The following SERGEF variants were observed in gnomAD, a reference collection of about 807,000 sequenced individuals.
The protein encoded by SERGEF is secretion-regulating guanine nucleotide exchange factor.
In SERGEF, 51 loss-of-function variants were observed where a neutral mutation model predicts 50.0. The ratio of observed to expected loss-of-function variants is 1.02; its 90% CI spans 0.81 to 1.29. SERGEF has a LOEUF of 1.29. SERGEF is among the 50% of genes most tolerant of loss of function. The pLI is 0.00. For missense variants in SERGEF, 521 were observed against 557.0 expected (o/e 0.94, Z 0.65); for synonymous variants, 205 against 212.4 (o/e 0.97, Z 0.30).
At chr11:17,905,767 C>G (rs1851828179) in intron 9 of SERGEF, among the ~76,000 whole-genome samples, 2 of 152,248 alleles carry the variant, frequency 1.3e-5, no homozygotes, top group East Asian at 3.9e-4. Context: ...CTGGCCTATG[C>G]TCTGGTCCTT....
intron 9 of SERGEF, among the ~76,000 whole-genome samples, chr11:17,935,552 T>C (rs1056239396): frequency 2.0e-5 from 3 of 152,096 alleles, no homozygotes; most frequent in Admixed American, 6.6e-5. Context: ...AGAGAACCAA[T>C]GATTTTATTT....
chr11:17,870,320 G>T (rs767873594), intron 10 of SERGEF, among the ~76,000 whole-genome samples: 14 of 152,218 alleles, frequency 9.2e-5, no homozygotes, highest in Non-Finnish European at 1.5e-5. Context: ...TCCAGGCAGG[G>T]ATGATGTAAT....
intron 9 of SERGEF, among the ~76,000 whole-genome samples, chr11:17,905,384 A>T (rs1851820134): frequency 1.3e-5 from 2 of 152,208 alleles, no homozygotes. Flanking sequence ...TTCTTGACAC[A>T]CTCAGCTTTT....
Position 17,927,532 on chromosome 11 carries a change from G to T in SERGEF, c.1011+31938C>A, listed in dbSNP as rs1046313520. 3.7e-4 allele frequency among the ~76,000 whole-genome samples: 57 copies of T among 152,230 alleles called. 2 individuals carry two copies. Among genetic ancestry groups the T allele is most frequent in the Admixed American group, 3.5e-3 (53 of 15,284 alleles). ...ACAGAAGGAAAATGATGACCTGAGT[G>T]TTGGTCCTGGTCTCTTCCACTAATT... On this transcript the variant is annotated intron_variant, in intron 9 of 10. Coordinates refer to ENST00000265965, the MANE Select transcript of SERGEF (RefSeq NM_012139.4).
At chr11:18,005,205 A>C (rs912010193) in intron 3 of SERGEF, among the ~76,000 whole-genome samples, 19 of 152,302 alleles carry the variant, frequency 1.2e-4, no homozygotes, top group African/African-American at 4.6e-4. Context: ...AAAGAGCATT[A>C]TCTACTGACT....
chr11:17,952,722 C>T (rs1852794391), intron 9 of SERGEF, among the ~76,000 whole-genome samples: 1 of 152,172 alleles, frequency 6.6e-6, no homozygotes, highest in African/African-American at 2.4e-5. Flanking sequence ...TTCTCATCAC[C>T]CGCTCACTCA....
At chr11:17,840,665 G>T (rs957558210) in intron 10 of SERGEF, among the ~76,000 whole-genome samples, 1 of 152,138 alleles carries the variant, frequency 6.6e-6, no homozygotes, top group Non-Finnish European at 1.5e-5. Flanking sequence ...GGCCCCCAAA[G>T]ACAGATTGAA....
chr11:18,012,615 G>C (rs1854219603), intron 1 of SERGEF: 1 of 1,171,080 alleles, frequency 8.5e-7, no homozygotes, highest in Non-Finnish European at 1.1e-6. Context: ...CCTCTCCACC[G>C]AGCCCTCCGC....
At chr11:17,978,723 C>T (rs1853431289) in intron 8 of SERGEF, among the ~76,000 whole-genome samples, 1 of 152,134 alleles carries the variant, frequency 6.6e-6, no homozygotes. Flanking sequence ...TATGCAAGAC[C>T]CTTTCCCTTT....
intron 10 of SERGEF, among the ~76,000 whole-genome samples, chr11:17,843,618 G>C (rs1163406206): frequency 6.6e-6 from 1 of 152,192 alleles, no homozygotes; most frequent in Non-Finnish European, 1.5e-5. Context: ...GAAACATTAA[G>C]GACATTACTT....
At chr11:17,839,699 C>T (rs567767216) in intron 10 of SERGEF, among the ~76,000 whole-genome samples, 10 of 152,292 alleles carry the variant, frequency 6.6e-5, no homozygotes, top group East Asian at 5.8e-4. Flanking sequence ...ACACCATCCA[C>T]GCGCACATGC....
At chr11:18,012,574 G>A in intron 1 of SERGEF, 1 of 1,173,028 alleles carries the variant, frequency 8.5e-7, no homozygotes, top group Non-Finnish European at 1.1e-6. Context: ...GGGGGCACAG[G>A]TGGCCCCACG....
At position 17,934,233 on chromosome 11, in the gene SERGEF, A is replaced by G. The variant is rs980210302; in HGVS notation, c.1011+25237T>C. ...TGAATGTTTCTTTAACTGCTATATT[A>G]ATAAAATGTAATATAATACATGGTA... On this transcript the variant is annotated intron_variant, in intron 9 of 10. Coordinates refer to ENST00000265965, the MANE Select transcript of SERGEF (RefSeq NM_012139.4). 2.0e-5 allele frequency among the ~76,000 whole-genome samples: 3 copies of G among 152,292 alleles called. No individual in the cohort carries two copies. In the East Asian group the frequency reaches 5.8e-4, roughly 29 times the overall value.
At chr11:18,011,543 G>A (rs1203394391) in intron 1 of SERGEF, among the ~76,000 whole-genome samples, 1 of 152,182 alleles carries the variant, frequency 6.6e-6, no homozygotes, top group Non-Finnish European at 1.5e-5. Flanking sequence ...TGTTGTTTAA[G>A]CCTCTGTTGT....
chr11:17,847,423 A>G (rs1225602905), intron 10 of SERGEF, among the ~76,000 whole-genome samples: 1 of 152,212 alleles, frequency 6.6e-6, no homozygotes, highest in Non-Finnish European at 1.5e-5. Flanking sequence ...AACTGAATTG[A>G]AACACAGCAT....
rs141945956 is a variant in SERGEF, at chr11:17,821,073, G to A, written c.1049-32660C>T. ...CAGAGAAGGCCACGTGAAGACAGAG[G>A]CAGGGTCAGGGTTTTTGCAGCCACA... On this transcript the variant is annotated intron_variant, in intron 10 of 10. Coordinates refer to ENST00000265965, the MANE Select transcript of SERGEF (RefSeq NM_012139.4). 1.1e-3 allele frequency among the ~76,000 whole-genome samples: 164 copies of A among 152,276 alleles called. No homozygotes were observed. The East Asian group carries it at 0.011, about 10-fold the overall frequency.
intron 9 of SERGEF, among the ~76,000 whole-genome samples, chr11:17,918,954 G>C (rs973107132): frequency 6.6e-6 from 1 of 152,276 alleles, no homozygotes; most frequent in Admixed American, 6.5e-5. Flanking sequence ...TAGAAATGCA[G>C]GACTGTGCCT....
intron 9 of SERGEF, 92 bp downstream of exon 9, chr11:17,959,378 A>AT (rs1255257783): frequency 1.7e-6 from 2 of 1,197,358 alleles, no homozygotes; most frequent in African/African-American, 1.5e-5. Context: ...GTACCTATCC[A>AT]TAACGCCTGG....
intron 8 of SERGEF, among the ~76,000 whole-genome samples, chr11:17,981,347 T>C (rs1166717419): frequency 6.6e-6 from 1 of 152,216 alleles, no homozygotes; most frequent in Non-Finnish European, 1.5e-5. Flanking sequence ...AAATGTAGTA[T>C]CACTGTCAAA....
Sources: allele counts gnomAD v4.1 joint callset (sites outside exome capture counted in the v4.1 genomes callset), GRCh38; gene constraint gnomAD v4.1.1; transcripts MANE v1.5; gene names NCBI Gene and HGNC (gene_info 2026-07-23, HGNC 2026-07-21).